Variants in CREB3L1 observed in about 807,000 individuals in gnomAD.
CREB3L1 encodes the protein cAMP responsive element binding protein 3 like 1.
A neutral mutation model predicts 54.5 loss-of-function variants in CREB3L1; 33 were observed. That is an observed-to-expected ratio of 0.61 (90% CI 0.46 to 0.81). The LOEUF (loss-of-function observed/expected upper bound fraction) is 0.81. CREB3L1 is among the 30% of genes least tolerant of loss of function. CREB3L1 has a pLI of 0.00. For missense variants in CREB3L1, 656 were observed against 673.3 expected, an observed-to-expected ratio of 0.97 and a Z score of 0.29; for synonymous variants, 284 against 286.4, an observed-to-expected ratio of 0.99 and a Z score of 0.08.
chr11:46,312,677 G>C lies in CREB3L1; in HGVS notation c.962+7G>C. 1 of 1,605,550 alleles carries C rather than the reference G, an allele frequency of 6.2e-7. No individual in the cohort carries two copies. Reference sequence around the variant, plus strand: ...TGGAGTGTCTAGAAAAGAAGTAAGGGGCTTGGGAGGGGTGGGCAATCCACT... The same window carrying C: ...TGGAGTGTCTAGAAAAGAAGTAAGGCGCTTGGGAGGGGTGGGCAATCCACT... On this transcript the variant is annotated splice_region_variant and intron_variant, in intron 7 of 11. Coordinates refer to ENST00000621158, the MANE Select transcript of CREB3L1 (RefSeq NM_052854.4).
At chr11:46,310,245 C>T (rs1259118013) in intron 4 of CREB3L1, among the ~76,000 whole-genome samples, 178 bp downstream of exon 4, 2 of 144,620 alleles carry the variant, frequency 1.4e-5, no homozygotes, top group Non-Finnish European at 3.0e-5. Flanking sequence ...TAGTCCTCTT[C>T]GTTTTTGTTT....
intron 1 of CREB3L1, among the ~76,000 whole-genome samples, chr11:46,286,218 TG>T (rs141706461): frequency 0.16 from 23,586 of 152,086 alleles, 2,257 homozygotes; most frequent in Middle Eastern, 0.28. Context: ...TGGAGTAGGG[TG>T]GGGACGATAG....
At chr11:46,309,502 T>A (rs1939453067) in intron 3 of CREB3L1, among the ~76,000 whole-genome samples, 1 of 152,260 alleles carries the variant, frequency 6.6e-6, no homozygotes, top group South Asian at 2.1e-4. Context: ...TGCCTCCAAC[T>A]TCTTTGTCTA....
intron 2 of CREB3L1, among the ~76,000 whole-genome samples, chr11:46,305,585 T>TAC (rs764048358): frequency 6.7e-6 from 1 of 148,910 alleles, no homozygotes. Flanking sequence ...TATATATATA[T>TAC]GTATATATAC....
intron 2 of CREB3L1, among the ~76,000 whole-genome samples, chr11:46,306,376 C>G (rs1322029782): frequency 1.3e-5 from 2 of 152,006 alleles, no homozygotes; most frequent in Non-Finnish European, 2.9e-5. Flanking sequence ...TGGTGGCATG[C>G]GCCTGTAGTC....
At chr11:46,283,943 G>A (rs1325200064) in intron 1 of CREB3L1, among the ~76,000 whole-genome samples, 1 of 152,150 alleles carries the variant, frequency 6.6e-6, no homozygotes, top group Non-Finnish European at 1.5e-5. Flanking sequence ...GGGTTTTCAG[G>A]ATCCTGGACT....
chr11:46,296,606 G>C (rs1432640735), intron 1 of CREB3L1, among the ~76,000 whole-genome samples: 1 of 152,184 alleles, frequency 6.6e-6, no homozygotes, highest in Non-Finnish European at 1.5e-5. Context: ...GCCGCAGAGC[G>C]CTCTAGGGGA....
chr11:46,318,588 TAG>T (rs1939601949), intron 10 of CREB3L1, among the ~76,000 whole-genome samples: 1 of 152,122 alleles, frequency 6.6e-6, no homozygotes, highest in South Asian at 2.1e-4. Context: ...GAGGAGAGAA[TAG>T]CTACATCACA....
rs1192182037 is a variant in CREB3L1 at position 46,300,033 on chromosome 11, G to C, written c.201G>C (p.Lys67Asn). Residue 67 changes from lysine to asparagine, a missense_variant, in exon 2 of 12, where the codon AAG becomes AAC. This residue lies in a region of CREB3L1 where 339 missense variants were observed against 331.5 expected (regional missense o/e 1.02). Coordinates refer to ENST00000621158, the MANE Select transcript of CREB3L1 (RefSeq NM_052854.4). ...SFFDDPVLDE[K>N]SPLLDMELDS... The stretch of plus-strand genomic sequence containing the variant: ...TTGATGACCCTGTGCTGGATGAGAA[G>C]AGCCCTCTATTGGACATGGAACTGG... 16 of 1,613,848 alleles carry C rather than the reference G, an allele frequency of 9.9e-6. No homozygotes were observed. Among genetic ancestry groups the C allele is most frequent in the Non-Finnish European group, 1.1e-5 (13 of 1,179,876 alleles).
At chr11:46,294,084 G>A (rs1939169122) in intron 1 of CREB3L1, among the ~76,000 whole-genome samples, 1 of 152,142 alleles carries the variant, frequency 6.6e-6, no homozygotes, top group South Asian at 2.1e-4. Context: ...GTTTCCCTGT[G>A]TACAAAGGAA....
At chr11:46,287,744 G>A (rs542682068) in intron 1 of CREB3L1, among the ~76,000 whole-genome samples, 2 of 152,072 alleles carry the variant, frequency 1.3e-5, no homozygotes, top group East Asian at 1.9e-4. Context: ...TTGGGAGGCC[G>A]AGGCGGGTGG....
chr11:46,300,833 G>A (rs978898673), intron 2 of CREB3L1, among the ~76,000 whole-genome samples: 5 of 151,876 alleles, frequency 3.3e-5, no homozygotes, highest in Non-Finnish European at 5.9e-5. Flanking sequence ...GTGAAACCCC[G>A]TCTCTACTAA....
At chr11:46,300,265 G>C in intron 2 of CREB3L1, 102 bp downstream of exon 2, 2 of 851,368 alleles carry the variant, frequency 2.3e-6, no homozygotes, top group Non-Finnish European at 3.7e-6. Context: ...GAGACTCCCA[G>C]AGGCTCCAAG....
intron 6 of CREB3L1, 25 bp from the exon 7 acceptor site, chr11:46,312,587 C>T: frequency 6.2e-7 from 1 of 1,609,606 alleles, no homozygotes; most frequent in East Asian, 2.2e-5. Flanking sequence ...AGTGCTAACC[C>T]TTGTTTTCGG....
chr11:46,289,057 C>T (rs983823746), intron 1 of CREB3L1, among the ~76,000 whole-genome samples: 1 of 152,054 alleles, frequency 6.6e-6, no homozygotes, highest in African/African-American at 2.4e-5. Flanking sequence ...TATGCTGGGC[C>T]CTGTTTGAGG....
chr11:46,320,082 G>T (rs537585316), intron 10 of CREB3L1, among the ~76,000 whole-genome samples, 182 bp from the exon 11 acceptor site: 4 of 152,182 alleles, frequency 2.6e-5, no homozygotes, highest in African/African-American at 9.6e-5. Context: ...TTTTACAGAA[G>T]AGCACACTGA....
chr11:46,300,237 A>G, intron 2 of CREB3L1, 74 bp downstream of exon 2: 1 of 1,181,502 alleles, frequency 8.5e-7, no homozygotes. Context: ...GGGTGACAAG[A>G]GAGTGTGCCT....
chr11:46,312,702 TC>T, intron 7 of CREB3L1, 32 bp downstream of exon 7: 1 of 1,592,702 alleles, frequency 6.3e-7, no homozygotes, highest in Non-Finnish European at 8.6e-7. Flanking sequence ...GGCAATCCAC[TC>T]CCTTGCCTGA....
chr11:46,308,005 G>A lies in CREB3L1; in HGVS notation c.516+5G>A, dbSNP rs1200116583. 6.6e-7 allele frequency: 1 copy of A among 1,526,354 alleles called. No individual in the cohort carries two copies. Among genetic ancestry groups the A allele is most frequent in the South Asian group, 1.2e-5 (1 of 81,332 alleles). The allele number at this position is 1,526,354 out of a possible 1,614,324, so 94.6% of individuals were successfully genotyped here. Reference sequence around the variant, plus strand: ...AGGCTGCCCATCCCCCACCAGGTGAGCCTGGGAACTGTTTGTAGCGGCTGA... The same window carrying A: ...AGGCTGCCCATCCCCCACCAGGTGAACCTGGGAACTGTTTGTAGCGGCTGA... On this transcript the variant is annotated splice_donor_5th_base_variant and intron_variant, in intron 3 of 11. Transcript: ENST00000621158.
Sources: allele counts gnomAD v4.1 joint callset (sites outside exome capture counted in the v4.1 genomes callset), GRCh38; gene constraint gnomAD v4.1.1; regional missense constraint gnomAD v4.1.1; transcripts MANE v1.5; gene names NCBI Gene and HGNC (gene_info 2026-07-23, HGNC 2026-07-21).